PAQR8: variants seen among roughly 807,000 people sequenced by gnomAD.
PAQR8 encodes progestin and adipoQ receptor family member 8, also known as membrane progestin receptor beta.
Under a neutral mutation model 25.2 loss-of-function variants are expected in PAQR8, and 17 were observed. The observed-to-expected ratio is 0.67, with a 90% CI of 0.46 to 1.01. PAQR8 has a LOEUF of 1.01. PAQR8 is among the 50% of genes least tolerant of loss of function. The pLI is 0.00. For missense variants in PAQR8, 392 were observed against 448.4 expected, an observed-to-expected ratio of 0.87 and a Z score of 1.14; for synonymous variants, 204 against 190.6, an observed-to-expected ratio of 1.07 and a Z score of -0.58.
At chr6:52,381,750 T>C (rs1480510066) in intron 1 of PAQR8, among the ~76,000 whole-genome samples, 1 of 152,232 alleles carries the variant, frequency 6.6e-6, no homozygotes, top group Non-Finnish European at 1.5e-5. Flanking sequence ...TTTTGGGTGA[T>C]TTAACAAGAA....
chr6:52,362,472 C>G lies in PAQR8; in HGVS notation c.-53+223C>G, dbSNP rs1763301153. ...CCGATGTTGAGTCTCCGAATCCAAG[C>G]CCGGAAGGGGGGACGACGGGTTAGG... is the stretch of plus-strand genomic sequence containing the variant. On this transcript the variant is annotated intron_variant, in intron 1 of 1. Transcript: ENST00000442253. This position sits in a 1 kb window ranked among gnomAD's most constrained non-coding sequence, Gnocchi z 4.1. 6.5e-6 allele frequency: 1 copy of G among 152,776 alleles called. No individual in the cohort carries two copies. Among genetic ancestry groups the G allele is most frequent in the East Asian group, 1.9e-4 (1 of 5,194 alleles). 9.5% of individuals were successfully genotyped at this position (152,776 alleles called of 1,614,324 possible).
Position 52,403,478 on chromosome 6 carries a change from G to A in PAQR8, c.265G>A (p.Val89Ile), listed in dbSNP as rs758772622. 1.2e-6 allele frequency: 2 copies of A among 1,614,132 alleles called. No individual in the cohort carries two copies. The highest frequency in any genetic ancestry group is 1.7e-5 in the Admixed American group (1 of 60,034). ...VWTHLLAALAVLLRFWAFAEA... is the reference protein window; with the variant it reads ...VWTHLLAALAILLRFWAFAEA... ...GACCCATTTACTGGCAGCCCTGGCC[G>A]TCCTCTTGCGATTCTGGGCCTTTGC... The change falls in exon 2 of 2, where the codon GTC becomes ATC. Residue 89 changes from valine to isoleucine, a missense_variant. Transcript: ENST00000442253.
At chr6:52,402,118 CT>C (rs1388579250) in intron 1 of PAQR8, among the ~76,000 whole-genome samples, 1 of 152,130 alleles carries the variant, frequency 6.6e-6, no homozygotes, top group Non-Finnish European at 1.5e-5. Flanking sequence ...AATTCCAGCA[CT>C]TTTGGAGGAT....
In PAQR8 at chr6:52,406,621, G is replaced by A. The variant is rs1763913418; in HGVS notation, c.*2343G>A. 2 of 410,464 alleles carry A rather than the reference G, an allele frequency of 4.9e-6. No individual in the cohort carries two copies. Among genetic ancestry groups the A allele is most frequent in the Admixed American group, 8.8e-5 (2 of 22,722 alleles). The allele number at this position is 410,464 out of a possible 1,614,324, so 25.4% of individuals were successfully genotyped here. On this transcript the variant is annotated 3_prime_UTR_variant, in exon 2 of 2. Coordinates refer to ENST00000442253, the MANE Select transcript of PAQR8 (RefSeq NM_133367.5). ...TCTGTCGCCCAGGCTGGAGTGCAGT[G>A]ATGCAATCACGGCTCACTGCAGCCT...
At chr6:52,364,998 G>T (rs1763335929) in intron 1 of PAQR8, among the ~76,000 whole-genome samples, 1 of 152,130 alleles carries the variant, frequency 6.6e-6, no homozygotes, top group African/African-American at 2.4e-5. Context: ...TCACTTTATT[G>T]TTATAGCTTA....
intron 1 of PAQR8, among the ~76,000 whole-genome samples, chr6:52,376,536 T>C (rs1340979616): frequency 6.6e-6 from 1 of 152,144 alleles, no homozygotes; most frequent in Non-Finnish European, 1.5e-5. Flanking sequence ...CAACTGAATA[T>C]TGGATATGGG....
chr6:52,395,820 A>G (rs1237285488), intron 1 of PAQR8, among the ~76,000 whole-genome samples: 3 of 152,186 alleles, frequency 2.0e-5, no homozygotes, highest in Non-Finnish European at 1.5e-5. Context: ...AAGTGGATAG[A>G]CAGGAAATCA....
intron 1 of PAQR8, among the ~76,000 whole-genome samples, chr6:52,366,208 A>G (rs1326195547): frequency 1.3e-5 from 2 of 152,090 alleles, no homozygotes; most frequent in African/African-American, 2.4e-5. Flanking sequence ...GGAAAGTTTC[A>G]TCTTAATTTT....
chr6:52,367,611 A>G (rs997192197), intron 1 of PAQR8, among the ~76,000 whole-genome samples: 1 of 152,234 alleles, frequency 6.6e-6, no homozygotes, highest in African/African-American at 2.4e-5. Flanking sequence ...GGGCAGGGGC[A>G]CAGATGTAGG....
chr6:52,378,969 C>T (rs1763518773), intron 1 of PAQR8, among the ~76,000 whole-genome samples: 1 of 150,338 alleles, frequency 6.7e-6, no homozygotes, highest in East Asian at 2.0e-4. Context: ...TGGTGGTGGG[C>T]GCCTGTAGTC....
intron 1 of PAQR8, among the ~76,000 whole-genome samples, chr6:52,379,185 G>A (rs1259221601): frequency 1.3e-5 from 2 of 151,104 alleles, no homozygotes; most frequent in East Asian, 3.9e-4. Flanking sequence ...AAATAAGCCA[G>A]TCACAAAAGG....
chr6:52,401,716 G>A (rs1232955551), intron 1 of PAQR8, among the ~76,000 whole-genome samples: 2 of 152,094 alleles, frequency 1.3e-5, no homozygotes, highest in South Asian at 2.1e-4. Context: ...TAACTGACGA[G>A]TCAATTTGCC....
At chr6:52,377,324 G>A (rs1184360626) in intron 1 of PAQR8, among the ~76,000 whole-genome samples, 1 of 151,934 alleles carries the variant, frequency 6.6e-6, no homozygotes, top group Non-Finnish European at 1.5e-5. Context: ...CAGAAGGATT[G>A]TGGTTTATTT....
Position 52,404,017 on chromosome 6 carries a change from G to T in PAQR8, c.804G>T (p.Glu268Asp). 1 of 1,614,194 alleles carries T rather than the reference G, an allele frequency of 6.2e-7. No individual in the cohort carries two copies. The highest frequency in any genetic ancestry group is 1.1e-5 in the South Asian group (1 of 91,092). Residue 268 changes from glutamate to aspartate, a missense_variant, in exon 2 of 2, where the codon GAG becomes GAT. Glu to Asp is a conservative substitution (Grantham distance 45). Coordinates refer to ENST00000442253, the MANE Select transcript of PAQR8 (RefSeq NM_133367.5). ...SAYFFSCPVP[E>D]KYFPGSCDIV... Reference sequence around the variant, plus strand: ...ATTTCTTCTCCTGCCCCGTGCCTGAGAAGTACTTCCCGGGTTCCTGTGACA... The same window carrying T: ...ATTTCTTCTCCTGCCCCGTGCCTGATAAGTACTTCCCGGGTTCCTGTGACA...
Position 52,407,552 on chromosome 6 carries a change from GT to G in PAQR8, c.*3276del, listed in dbSNP as rs879155866. On this transcript the variant is annotated 3_prime_UTR_variant, in exon 2 of 2. Transcript: ENST00000442253. ...ATGCTTGAAAACATTAGGTTCTTTG[GT>G]TACTGCACTGTAGTTTCAAATGGAT... The G allele has an allele frequency of 6.0e-6, 1 of 166,866 alleles. No homozygotes were observed. The highest frequency in any genetic ancestry group is 2.1e-4 in the South Asian group (1 of 4,802). 10.3% of individuals were successfully genotyped at this position (166,866 alleles called of 1,614,324 possible).
chr6:52,406,280 T>C lies in PAQR8; in HGVS notation c.*2002T>C, dbSNP rs1763908043. On this transcript the variant is annotated 3_prime_UTR_variant, in exon 2 of 2. Coordinates refer to ENST00000442253, the MANE Select transcript of PAQR8 (RefSeq NM_133367.5). ...CGGATTCAAAGACTTATTTTGAAAG[T>C]TGGAAGGAGAAGGGAGGGAAGAGAG... The C allele has an allele frequency of 2.5e-6, 1 of 404,808 alleles. No individual in the cohort carries two copies. The highest frequency in any genetic ancestry group is 2.1e-5 in the African/African-American group (1 of 48,556). 25.1% of individuals were successfully genotyped at this position (404,808 alleles called of 1,614,324 possible). A position where few individuals can be genotyped will look rare whatever the true frequency, so the allele number is the denominator to read the frequency against.
intron 1 of PAQR8, among the ~76,000 whole-genome samples, chr6:52,364,367 A>AC (rs1763328117): frequency 6.6e-6 from 1 of 152,168 alleles, no homozygotes; most frequent in Non-Finnish European, 1.5e-5. Flanking sequence ...AGTGGTCAGG[A>AC]CCTTGCATCA....
At chr6:52,395,469 C>T (rs1006120092) in intron 1 of PAQR8, among the ~76,000 whole-genome samples, 1 of 152,164 alleles carries the variant, frequency 6.6e-6, no homozygotes, top group African/African-American at 2.4e-5. Context: ...AAATATCCCA[C>T]TGCTCTAGAT....
chr6:52,394,341 A>T (rs1407635251), intron 1 of PAQR8, among the ~76,000 whole-genome samples: 1 of 152,202 alleles, frequency 6.6e-6, no homozygotes, highest in East Asian at 1.9e-4. Context: ...GTGTCATTTC[A>T]TTGTTTTATT....
Sources: allele counts gnomAD v4.1 joint callset (sites outside exome capture counted in the v4.1 genomes callset), GRCh38; gene constraint gnomAD v4.1.1; non-coding constraint Gnocchi (gnomAD v3.1); transcripts MANE v1.5; gene names NCBI Gene and HGNC (gene_info 2026-07-23, HGNC 2026-07-21).